The following MCM2 variants were observed in gnomAD, a reference collection of about 807,000 sequenced individuals.
MCM2 encodes minichromosome maintenance complex component 2.
Under a neutral mutation model 86.4 loss-of-function variants are expected in MCM2, and 49 were observed. The ratio of observed to expected loss-of-function variants is 0.57; its 90% confidence interval spans 0.45 to 0.72. The LOEUF (loss-of-function observed/expected upper bound fraction) is 0.72, where lower values mean the gene tolerates loss of function less well. Among genes scored for constraint, MCM2 ranks in the 30% least tolerant of loss-of-function variants. The pLI is 0.00. For synonymous variants in MCM2, 475 were observed against 484.6 expected (o/e 0.98, Z 0.26); for missense variants, 1,038 against 1,259.9 (o/e 0.82, Z 2.67).
In MCM2 at chr3:127,617,222, G is replaced by A; in HGVS notation, c.1774-57G>A. On this transcript the variant is annotated intron_variant, in intron 10 of 15. Transcript: ENST00000265056. The surrounding 1 kb of genome is among the most constrained non-coding windows in gnomAD (Gnocchi z 4.1). ...AATGGGGTCCATTGGGACCTCATCG[G>A]AGACTTAGTAGTAGGGGCGTGAACC... The A allele has an allele frequency of 6.2e-7, 1 of 1,608,796 alleles. No individual in the cohort carries two copies. The highest frequency in any genetic ancestry group is 8.5e-7 in the Non-Finnish European group (1 of 1,176,052).
chr3:127,605,631 G>A (rs1048207750), intron 4 of MCM2, among the ~76,000 whole-genome samples: 1 of 151,546 alleles, frequency 6.6e-6, no homozygotes, highest in African/African-American at 2.4e-5. Flanking sequence ...GTAGAGAAGG[G>A]GTTTCTCCAT....
At position 127,606,936 on chromosome 3, in the gene MCM2, A is replaced by G; in HGVS notation, c.1101+119A>G. On this transcript the variant is annotated intron_variant, in intron 6 of 15. Transcript: ENST00000265056. The surrounding 1 kb of genome is among the most constrained non-coding windows in gnomAD (Gnocchi z 4.2). ...GGGCAGCCGCAAGAAGCAAGATAGA[A>G]TTGTGTGTTGGCCACACCCTGGGGT... The G allele has an allele frequency of 1.0e-6, 1 of 993,936 alleles. No homozygotes were observed. 61.6% of individuals were successfully genotyped at this position (993,936 alleles called of 1,614,324 possible).
Position 127,610,243 on chromosome 3 carries a change from T to C in MCM2, c.1428+1220T>C, listed in dbSNP as rs17496992. 4.3e-4 allele frequency among the ~76,000 whole-genome samples: 66 copies of C among 152,360 alleles called. 1 individual carries two copies. The highest frequency in any genetic ancestry group is 3.6e-3 in the Admixed American group (55 of 15,306). On this transcript the variant is annotated intron_variant, in intron 8 of 15. Coordinates refer to ENST00000265056, the MANE Select transcript of MCM2 (RefSeq NM_004526.4). ...CTGGCAAGATAAAATTCAGTTCCCA[T>C]TTGGCTTCTTCAGTGAACTGGGTGA...
Position 127,621,858 on chromosome 3 carries a change from G to A in MCM2, c.*85G>A, listed in dbSNP as rs2074481110. 1 of 964,490 alleles carries A rather than the reference G, an allele frequency of 1.0e-6. No individual in the cohort carries two copies. Among genetic ancestry groups the A allele is most frequent in the African/African-American group, 1.6e-5 (1 of 61,468 alleles). The allele number at this position is 964,490 out of a possible 1,614,324, so 59.7% of individuals were successfully genotyped here. A position where few individuals can be genotyped will look rare whatever the true frequency, so the allele number is the denominator to read the frequency against. On this transcript the variant is annotated 3_prime_UTR_variant, in exon 16 of 16. Coordinates refer to ENST00000265056, the MANE Select transcript of MCM2 (RefSeq NM_004526.4). ...TGTGCTTTATGGACACAAAACCAGA[G>A]CACTTGATGAACTCGGGGTACTAGG...
At chr3:127,604,493 C>A in intron 2 of MCM2, 115 bp from the exon 3 acceptor site, 1 of 1,046,464 alleles carries the variant, frequency 9.6e-7, no homozygotes, top group Non-Finnish European at 1.4e-6. Context: ...AAGCGCTGAG[C>A]CTACCCACAA....
rs1195408178 is a variant in MCM2 at position 127,618,984 on chromosome 3, C to T, written c.2014-43C>T. 11 of 1,526,028 alleles carry T rather than the reference C, an allele frequency of 7.2e-6. No individual in the cohort carries two copies. The highest frequency in any genetic ancestry group is 3.8e-5 in the South Asian group (3 of 78,684). 94.5% of individuals were successfully genotyped at this position (1,526,028 alleles called of 1,614,324 possible). On this transcript the variant is annotated intron_variant, in intron 12 of 15. Coordinates refer to ENST00000265056, the MANE Select transcript of MCM2 (RefSeq NM_004526.4). This position sits in a 1 kb window ranked among gnomAD's most constrained non-coding sequence, Gnocchi z 4.0. ...CCAGCCACTGACCTCCCCAAAGCCA[C>T]GCACACCCACAATCAGACCCACCCT... is the stretch of plus-strand genomic sequence containing the variant.
At chr3:127,620,907 G>A (rs2074473023) in intron 14 of MCM2, 27 bp downstream of exon 14, 2 of 1,584,688 alleles carry the variant, frequency 1.3e-6, no homozygotes, top group Admixed American at 1.7e-5. Flanking sequence ...GTAGGGGCCT[G>A]ATGGGCAAGC....
At position 127,617,236 on chromosome 3, in the gene MCM2, G is replaced by T; in HGVS notation, c.1774-43G>T. On this transcript the variant is annotated intron_variant, in intron 10 of 15. Transcript: ENST00000265056. The surrounding 1 kb of genome is among the most constrained non-coding windows in gnomAD (Gnocchi z 4.1). ...GGACCTCATCGGAGACTTAGTAGTA[G>T]GGGCGTGAACCATGCTAAGGGTGGG... The T allele has an allele frequency of 6.2e-7, 1 of 1,611,236 alleles. No homozygotes were observed. Among genetic ancestry groups the T allele is most frequent in the Non-Finnish European group, 8.5e-7 (1 of 1,177,860 alleles).
At chr3:127,616,571 A>G (rs1315405355) in intron 9 of MCM2, among the ~76,000 whole-genome samples, 1 of 152,228 alleles carries the variant, frequency 6.6e-6, no homozygotes, top group East Asian at 1.9e-4. Context: ...TTAAATGACT[A>G]TCATGCCACC....
At chr3:127,610,578 G>A (rs73861536) in intron 8 of MCM2, among the ~76,000 whole-genome samples, 112 of 152,188 alleles carry the variant, frequency 7.4e-4, no homozygotes, top group African/African-American at 2.6e-3. Context: ...TCCTACACAT[G>A]CATGGTTTGT....
chr3:127,599,074 T>C (rs936365569), intron 1 of MCM2: 7 of 572,836 alleles, frequency 1.2e-5, no homozygotes, highest in African/African-American at 1.1e-4. Flanking sequence ...GTGATGTGGG[T>C]GACCCCGATA....
At chr3:127,611,354 AC>A (rs2074393457) in intron 8 of MCM2, among the ~76,000 whole-genome samples, 1 of 152,202 alleles carries the variant, frequency 6.6e-6, no homozygotes, top group African/African-American at 2.4e-5. Context: ...CTCTTCTGGC[AC>A]CTTCTCTTCC....
At chr3:127,599,688 A>G in intron 2 of MCM2, 141 bp downstream of exon 2, 1 of 734,374 alleles carries the variant, frequency 1.4e-6, no homozygotes, top group Non-Finnish European at 2.2e-6. Context: ...CAGGGTTCTG[A>G]GGAGACAGGT....
Position 127,606,456 on chromosome 3 carries a change from G to A in MCM2, c.893+119G>A, listed in dbSNP as rs927279580. On this transcript the variant is annotated intron_variant, in intron 5 of 15. Transcript: ENST00000265056. This position sits in a 1 kb window ranked among gnomAD's most constrained non-coding sequence, Gnocchi z 4.2. Reference sequence around the variant, plus strand: ...GGGTGCAGCCAGCAGCATCCTCATCGCAGGTGAGTTGTGGTTGCACAGGAG... The same window carrying A: ...GGGTGCAGCCAGCAGCATCCTCATCACAGGTGAGTTGTGGTTGCACAGGAG... 80 of 1,199,506 alleles carry A rather than the reference G, an allele frequency of 6.7e-5. 1 individual carries two copies. In the Middle Eastern group the frequency reaches 1.1e-3, roughly 16 times the overall value. 74.3% of individuals were successfully genotyped at this position (1,199,506 alleles called of 1,614,324 possible). A position where few individuals can be genotyped will look rare whatever the true frequency, so the allele number is the denominator to read the frequency against.
At chr3:127,604,023 A>C (rs1380198564) in intron 2 of MCM2, among the ~76,000 whole-genome samples, 1 of 152,118 alleles carries the variant, frequency 6.6e-6, no homozygotes, top group Non-Finnish European at 1.5e-5. Context: ...TCCTGGGCTC[A>C]AGTGATCCTC....
Position 127,606,039 on chromosome 3 carries a change from G to A in MCM2, c.674-79G>A, listed in dbSNP as rs1379901192. ...TCAATGGTCGGGGTGGGTAGGCCTT[G>A]CTTCTCACACAGGCATTGTTGCAGC... On this transcript the variant is annotated intron_variant, in intron 4 of 15. Coordinates refer to ENST00000265056, the MANE Select transcript of MCM2 (RefSeq NM_004526.4). The surrounding 1 kb of genome is among the most constrained non-coding windows in gnomAD (Gnocchi z 4.2). 11 of 1,137,790 alleles carry A rather than the reference G, an allele frequency of 9.7e-6. No homozygotes were observed. The highest frequency in any genetic ancestry group is 1.4e-5 in the Non-Finnish European group (11 of 761,732). The allele number at this position is 1,137,790 out of a possible 1,614,324, so 70.5% of individuals were successfully genotyped here.
chr3:127,606,562 TG>T lies in MCM2; in HGVS notation c.894-46del. 6.5e-7 allele frequency: 1 copy of T among 1,540,630 alleles called. No homozygotes were observed. Among genetic ancestry groups the T allele is most frequent in the Non-Finnish European group, 9.0e-7 (1 of 1,114,638 alleles). The stretch of plus-strand genomic sequence containing the variant: ...TGTTGGGACACTCTCGTCTGCAGCC[TG>T]GCCTCACCCTGGCTCACGGCTTCTG... On this transcript the variant is annotated intron_variant, in intron 5 of 15. Transcript: ENST00000265056. This position sits in a 1 kb window ranked among gnomAD's most constrained non-coding sequence, Gnocchi z 4.2.
chr3:127,598,563 G>C lies in MCM2; in HGVS notation c.6+91G>C, dbSNP rs2074275913. On this transcript the variant is annotated intron_variant, in intron 1 of 15. Transcript: ENST00000265056. ...TACTCTGGCCCCGGCCCAGGGCGGC[G>C]CTCTGGGTGAGGCTGGGCCCCAGGC... The C allele has an allele frequency of 5.9e-6, 9 of 1,519,466 alleles. No homozygotes were observed. The South Asian group carries it at 8.7e-5, about 15-fold the overall frequency. 94.1% of individuals were successfully genotyped at this position (1,519,466 alleles called of 1,614,324 possible).
At position 127,618,309 on chromosome 3, in the gene MCM2, C is replaced by G. The variant is rs981364204; in HGVS notation, c.2013+228C>G. 6.6e-6 allele frequency among the ~76,000 whole-genome samples: 1 copy of G among 152,170 alleles called. No individual in the cohort carries two copies. Among genetic ancestry groups the G allele is most frequent in the Non-Finnish European group, 1.5e-5 (1 of 68,036 alleles). Reference sequence around the variant, plus strand: ...TACATAACCCACAATCCACCAAATCCTGTTGTCCCAACTCCTGAGCCTACC... The same window carrying G: ...TACATAACCCACAATCCACCAAATCGTGTTGTCCCAACTCCTGAGCCTACC... On this transcript the variant is annotated intron_variant, in intron 12 of 15. Coordinates refer to ENST00000265056, the MANE Select transcript of MCM2 (RefSeq NM_004526.4). This position sits in a 1 kb window ranked among gnomAD's most constrained non-coding sequence, Gnocchi z 4.0.
Sources: gnomAD v4.1 joint callset for allele counts (sites outside exome capture counted in the v4.1 genomes callset) on GRCh38, gnomAD v4.1.1 for gene constraint, Gnocchi (gnomAD v3.1) non-coding constraint, MANE v1.5 for transcripts, NCBI Gene and HGNC (gene_info 2026-07-23, HGNC 2026-07-21) for gene names.